HERC1: variants seen among roughly 807,000 people sequenced by gnomAD.
HERC1 encodes probable E3 ubiquitin-protein ligase HERC1.
A neutral mutation model predicts 554.3 loss-of-function variants in HERC1; 160 were observed. The ratio of observed to expected loss-of-function variants is 0.29; its 90% CI spans 0.25 to 0.33. The LOEUF is 0.33. Among genes scored for constraint, HERC1 ranks in the 10% least tolerant of loss-of-function variants. The pLI is 1.00. For synonymous variants in HERC1, 2,175 were observed against 2,131.7 expected, an observed-to-expected ratio of 1.02 and a Z score of -0.56; for missense variants, 4,919 against 5,918.5, an observed-to-expected ratio of 0.83 and a Z score of 5.54.
At chr15:63,811,588 T>C (rs905683100) in intron 1 of HERC1, among the ~76,000 whole-genome samples, 3 of 151,792 alleles carry the variant, frequency 2.0e-5, no homozygotes, top group Admixed American at 2.0e-4. Flanking sequence ...GACGGGCAGA[T>C]CACGAGGTCG....
intron 1 of HERC1, among the ~76,000 whole-genome samples, chr15:63,788,777 C>T (rs1039456089): frequency 6.0e-5 from 9 of 149,902 alleles, no homozygotes; most frequent in Admixed American, 1.3e-4. Flanking sequence ...ATTAGCTGGG[C>T]GTGGTGGCAA....
intron 24 of HERC1, among the ~76,000 whole-genome samples, chr15:63,712,326 A>C (rs1339951572): frequency 1.3e-5 from 2 of 152,212 alleles, no homozygotes; most frequent in African/African-American, 4.8e-5. Flanking sequence ...CTAACGGTAA[A>C]ATTTTTAAGA....
chr15:63,785,874 T>C (rs1282677973), intron 1 of HERC1, among the ~76,000 whole-genome samples: 1 of 152,178 alleles, frequency 6.6e-6, no homozygotes, highest in East Asian at 1.9e-4. Flanking sequence ...AGATTATTCT[T>C]CTTTTTCTTT....
chr15:63,612,412 C>T lies in HERC1; in HGVS notation c.14239G>A (p.Val4747Met), dbSNP rs1443995447. The change falls in exon 77 of 78, where the codon GTG becomes ATG. Residue 4747 changes from valine (V) to methionine (M), a missense_variant. Val to Met is a conservative substitution (Grantham distance 21). Transcript: ENST00000443617. This position sits in a 1 kb window ranked among gnomAD's most constrained non-coding sequence, Gnocchi z 5.0. ...TGCACCAGCTGATGCTGCTCATCCA[C>T]CTCACGGTACCGCACCACTTTCTTC... ...VLKKVVRYREVDEQHQLVQWF... is the reference protein window; with the variant it reads ...VLKKVVRYREMDEQHQLVQWF... 6.2e-7 allele frequency: 1 copy of T among 1,613,908 alleles called. No individual in the cohort carries two copies. Among genetic ancestry groups the T allele is most frequent in the African/African-American group, 1.3e-5 (1 of 74,934 alleles).
chr15:63,707,441 G>A (rs1248205411), intron 24 of HERC1, among the ~76,000 whole-genome samples: 1 of 152,224 alleles, frequency 6.6e-6, no homozygotes, highest in Admixed American at 6.5e-5. Flanking sequence ...AAGAATGGAA[G>A]TATATTTCTG....
chr15:63,622,172 A>C (rs987530556), intron 74 of HERC1, among the ~76,000 whole-genome samples: 1 of 152,224 alleles, frequency 6.6e-6, no homozygotes, highest in Non-Finnish European at 1.5e-5. Flanking sequence ...ACTTTTAAAT[A>C]AATTTTGGTG....
Position 63,622,777 on chromosome 15 carries a change from A to G in HERC1, c.13688+38T>C, listed in dbSNP as rs960925564. On this transcript the variant is annotated intron_variant, in intron 74 of 77. Transcript: ENST00000443617. The stretch of plus-strand genomic sequence containing the variant: ...TCAATAAATGTGAGCTATTATTATT[A>G]TTTTAGACATATAATGAACACTTGC... The G allele has an allele frequency of 2.1e-6, 3 of 1,444,242 alleles. No homozygotes were observed. The African/African-American group carries it at 4.3e-5, about 21-fold the overall frequency. 89.5% of individuals were successfully genotyped at this position (1,444,242 alleles called of 1,614,324 possible). A position where few individuals can be genotyped will look rare whatever the true frequency, so the allele number is the denominator to read the frequency against.
chr15:63,744,154 G>GTGTGTGTGTGTGTGTGTGTGTGTGTGTC (rs1567077976), intron 12 of HERC1, among the ~76,000 whole-genome samples: 8 of 42,068 alleles, frequency 1.9e-4, no homozygotes, highest in Admixed American at 5.0e-4. Flanking sequence ...GTGTGTGTGT[G>GTGTGTGTGTGTGTGTGTGTGTGTGTGTC]TGTGTGTGTG....
chr15:63,711,679 A>G (rs563896035), intron 24 of HERC1, among the ~76,000 whole-genome samples: 2 of 152,246 alleles, frequency 1.3e-5, no homozygotes, highest in African/African-American at 2.4e-5. Flanking sequence ...AGAATTACAC[A>G]TGGAGCTTAT....
At chr15:63,657,570 G>A (rs1480458765) in intron 48 of HERC1, among the ~76,000 whole-genome samples, 1 of 152,022 alleles carries the variant, frequency 6.6e-6, no homozygotes, top group African/African-American at 2.4e-5. Flanking sequence ...CCATTCTATG[G>A]CTTGCTTTTT....
intron 74 of HERC1, among the ~76,000 whole-genome samples, chr15:63,619,735 G>A (rs1465297531): frequency 3.3e-5 from 5 of 152,142 alleles, no homozygotes; most frequent in Non-Finnish European, 7.4e-5. Context: ...GAGTGTATGT[G>A]TCGAGGAATT....
chr15:63,633,998 C>T (rs778810071), intron 66 of HERC1, 28 bp from the exon 67 acceptor site: 1 of 1,613,164 alleles, frequency 6.2e-7, no homozygotes, highest in Non-Finnish European at 8.5e-7. Context: ...TTCCGTAAGG[C>T]AAATCACAAG....
intron 12 of HERC1, among the ~76,000 whole-genome samples, chr15:63,735,989 T>C (rs990016140): frequency 6.6e-6 from 1 of 152,280 alleles, no homozygotes; most frequent in South Asian, 2.1e-4. Context: ...AATGCACATA[T>C]TCTGTTTCCA....
In HERC1 at chr15:63,692,952, G is replaced by A. The variant is rs539852601; in HGVS notation, c.5675-386C>T. 3.3e-3 allele frequency among the ~76,000 whole-genome samples: 497 copies of A among 152,126 alleles called. 2 individuals are homozygous for A. The highest frequency in any genetic ancestry group is 4.6e-3 in the Admixed American group (70 of 15,278). On this transcript the variant is annotated intron_variant, in intron 30 of 77. Coordinates refer to ENST00000443617, the MANE Select transcript of HERC1 (RefSeq NM_003922.4). This position sits in a 1 kb window ranked among gnomAD's most constrained non-coding sequence, Gnocchi z 4.7. ...TCCCAGCACTTTGGGAGGTCGAGGCGGGCGGATCACTTGAGGTCAGGAGTT... is the reference window on the plus strand; with the variant it reads ...TCCCAGCACTTTGGGAGGTCGAGGCAGGCGGATCACTTGAGGTCAGGAGTT...
chr15:63,803,154 G>T (rs2077042682), intron 1 of HERC1, among the ~76,000 whole-genome samples: 1 of 152,126 alleles, frequency 6.6e-6, no homozygotes, highest in African/African-American at 2.4e-5. Flanking sequence ...AGCCATAATT[G>T]TGCCCCTGGG....
At chr15:63,646,804 T>A (rs1365438474) in intron 55 of HERC1, among the ~76,000 whole-genome samples, 1 of 146,482 alleles carries the variant, frequency 6.8e-6, no homozygotes, top group Non-Finnish European at 1.5e-5. Flanking sequence ...CATGACTCCA[T>A]CTCAGGAAAA....
Position 63,609,001 on chromosome 15 carries a change from T to C in HERC1, c.*80A>G, listed in dbSNP as rs1260064572. ...TTATGTTCTTATAACATCTATGTAG[T>C]TACCATAAAAGTATATCAACATCAA... On this transcript the variant is annotated 3_prime_UTR_variant, in exon 78 of 78. Coordinates refer to ENST00000443617, the MANE Select transcript of HERC1 (RefSeq NM_003922.4). The C allele has an allele frequency of 4.7e-6, 6 of 1,273,426 alleles. No homozygotes were observed. Among genetic ancestry groups the C allele is most frequent in the Non-Finnish European group, 6.5e-6 (6 of 918,836 alleles). The allele number at this position is 1,273,426 out of a possible 1,614,324, so 78.9% of individuals were successfully genotyped here.
chr15:63,690,651 G>T lies in HERC1; in HGVS notation c.5831-4C>A, dbSNP rs764105264. ...AAGTTACCAACCAGAGGGATACCTG[G>T]AGGGGAAAAGACCTTTTCTTATTAT... On this transcript the variant is annotated splice_region_variant and splice_polypyrimidine_tract_variant and intron_variant, in intron 31 of 77. Coordinates refer to ENST00000443617, the MANE Select transcript of HERC1 (RefSeq NM_003922.4). 6.6e-7 allele frequency: 1 copy of T among 1,524,274 alleles called. No individual in the cohort carries two copies. The highest frequency in any genetic ancestry group is 1.7e-5 in the Admixed American group (1 of 57,654). 94.4% of individuals were successfully genotyped at this position (1,524,274 alleles called of 1,614,324 possible).
In HERC1 at chr15:63,686,552, T is replaced by C. The variant is rs1161137794; in HGVS notation, c.6049-17A>G. On this transcript the variant is annotated splice_polypyrimidine_tract_variant and intron_variant, in intron 33 of 77. Transcript: ENST00000443617. Reference sequence around the variant, plus strand: ...GCCCTGCTTCTACCAGAAAAGAAGCTGGGTCAGCATTTTGGAATAATCCAT... The same window carrying C: ...GCCCTGCTTCTACCAGAAAAGAAGCCGGGTCAGCATTTTGGAATAATCCAT... 5 of 1,605,410 alleles carry C rather than the reference T, an allele frequency of 3.1e-6. No individual in the cohort carries two copies. In the Admixed American group the frequency reaches 8.6e-5, roughly 28 times the overall value.
Sources: gnomAD v4.1 joint callset for allele counts (sites outside exome capture counted in the v4.1 genomes callset) on GRCh38, gnomAD v4.1.1 for gene constraint, Gnocchi (gnomAD v3.1) non-coding constraint, MANE v1.5 for transcripts, NCBI Gene and HGNC (gene_info 2026-07-23, HGNC 2026-07-21) for gene names.